The following SNX27 variants were observed in gnomAD, a reference collection of about 807,000 sequenced individuals.
SNX27 encodes the protein sorting nexin 27.
SNX27 carries 22 observed loss-of-function variants against 71.6 expected under a neutral mutation model. That is an observed-to-expected ratio of 0.31 (90% CI 0.22 to 0.44). The LOEUF is 0.44. SNX27 is among the 20% of genes least tolerant of loss of function. The probability of loss-of-function intolerance (pLI) is 1.00; values close to 1 mark genes in which losing one functional copy is unlikely to be tolerated. For synonymous variants in SNX27, 269 were observed against 277.2 expected (o/e 0.97, Z 0.29); for missense variants, 531 against 698.6 (o/e 0.76, Z 2.70).
Position 151,662,195 on chromosome 1 carries a change from G to A in SNX27, c.831G>A (p.Leu277=). 1 of 1,613,662 alleles carries A rather than the reference G, an allele frequency of 6.2e-7. No homozygotes were observed. The highest frequency in any genetic ancestry group is 1.1e-5 in the South Asian group (1 of 91,060). ...ACAATGGTGTGTCCGACGTAGAGCT[G>A]AGAGTAGCATTACCAGATGGAACAA... ...ENYNGVSDVE[L]RVALPDGTTV... The change falls in exon 5 of 12, where the codon CTG becomes CTA. Residue 277 remains leucine, a synonymous_variant. Coordinates refer to ENST00000458013, the MANE Select transcript of SNX27 (RefSeq NM_001330723.2).
Position 151,658,313 on chromosome 1 carries a change from AAG to A in SNX27, c.629_630del (p.Glu210ValfsTer44), listed in dbSNP as rs1669791515. On this transcript the variant is annotated frameshift_variant, in exon 3 of 12. Coordinates refer to ENST00000458013, the MANE Select transcript of SNX27 (RefSeq NM_001330723.2). LOFTEE classifies it high-confidence loss of function. ...GTTTGCTATCCTACACCAGAACCTGAAGAGAGAGTTTGCCAACTTTACATTTC... is the reference window on the plus strand; with the variant it reads ...GTTTGCTATCCTACACCAGAACCTGAAGAGAGTTTGCCAACTTTACATTTC... ...REFAILHQNLKREFANFTFPR... is the reference protein window; with the variant it reads ...REFAILHQNLXREFANFTFPR... 1.9e-6 allele frequency: 3 copies of A among 1,614,152 alleles called. No individual in the cohort carries two copies. The highest frequency in any genetic ancestry group is 2.5e-6 in the Non-Finnish European group (3 of 1,180,020).
chr1:151,620,057 G>A lies in SNX27; in HGVS notation c.311+7545G>A, dbSNP rs146361083. 2.6e-5 allele frequency among the ~76,000 whole-genome samples: 4 copies of A among 152,280 alleles called. No individual in the cohort carries two copies. The East Asian group carries it at 7.7e-4, about 29-fold the overall frequency. ...AGAACAAATAAAACTTCAGAGAAGGGGCAAGGATTTTATAGGTTGAGGAAA... is the reference window on the plus strand; with the variant it reads ...AGAACAAATAAAACTTCAGAGAAGGAGCAAGGATTTTATAGGTTGAGGAAA... On this transcript the variant is annotated intron_variant, in intron 1 of 11. Coordinates refer to ENST00000458013, the MANE Select transcript of SNX27 (RefSeq NM_001330723.2).
chr1:151,639,699 C>G (rs1207767747), intron 2 of SNX27, among the ~76,000 whole-genome samples: 2 of 152,178 alleles, frequency 1.3e-5, no homozygotes, highest in African/African-American at 4.8e-5. Flanking sequence ...CATTTCTAAT[C>G]TGTTGCTGTT....
At chr1:151,676,270 A>ATTTTTTTTTTTTTTTTTTTTTTTTTTTT (rs752951557) in intron 7 of SNX27, 1 of 56,484 alleles carries the variant, frequency 1.8e-5, no homozygotes, top group African/African-American at 7.8e-5. Flanking sequence ...AGTGCTATTA[A>ATTTTTTTTTTTTTTTTTTTTTTTTTTTT]TTTTTTTTTT....
rs1431779255 is a variant in SNX27 at position 151,612,854 on chromosome 1, G to T, written c.311+342G>T. Reference sequence around the variant, plus strand: ...TCTGCTCCTCACTCCCCCTCGTCTTGCTCAGAAGGAACCTCATCTGCTCCT... The same window carrying T: ...TCTGCTCCTCACTCCCCCTCGTCTTTCTCAGAAGGAACCTCATCTGCTCCT... On this transcript the variant is annotated intron_variant, in intron 1 of 11. Transcript: ENST00000458013. This position sits in a 1 kb window ranked among gnomAD's most constrained non-coding sequence, Gnocchi z 5.2. Among the ~76,000 whole-genome samples the T allele has an allele frequency of 6.6e-6, 1 of 151,818 alleles. No individual in the cohort carries two copies.
chr1:151,668,838 C>T (rs1454564444), intron 7 of SNX27, among the ~76,000 whole-genome samples: 4 of 152,038 alleles, frequency 2.6e-5, no homozygotes, highest in Non-Finnish European at 4.4e-5. Flanking sequence ...TTTAAAAATA[C>T]GTATTTTTTA....
At chr1:151,648,143 C>T (rs566921911) in intron 2 of SNX27, among the ~76,000 whole-genome samples, 2 of 152,250 alleles carry the variant, frequency 1.3e-5, no homozygotes, top group African/African-American at 4.8e-5. Context: ...CAACCTCTGC[C>T]TCCCAGGCTC....
At chr1:151,671,502 G>T (rs1416139218) in intron 7 of SNX27, among the ~76,000 whole-genome samples, 1 of 152,036 alleles carries the variant, frequency 6.6e-6, no homozygotes, top group Non-Finnish European at 1.5e-5. Flanking sequence ...CTCCTAAATT[G>T]CTGGGTTACA....
chr1:151,623,099 A>G lies in SNX27; in HGVS notation c.311+10587A>G, dbSNP rs541082681. 8.8e-4 allele frequency among the ~76,000 whole-genome samples: 134 copies of G among 151,560 alleles called. 1 individual carries two copies. Among genetic ancestry groups the G allele is most frequent in the Non-Finnish European group, 1.8e-4 (12 of 67,932 alleles). ...GTGATTATCCTGCCTCAGCCTCCCA[A>G]GTAGCTGGGATTACAGGCACATGCC... On this transcript the variant is annotated intron_variant, in intron 1 of 11. Coordinates refer to ENST00000458013, the MANE Select transcript of SNX27 (RefSeq NM_001330723.2).
At chr1:151,621,104 T>C (rs926610463) in intron 1 of SNX27, among the ~76,000 whole-genome samples, 1 of 152,234 alleles carries the variant, frequency 6.6e-6, no homozygotes, top group African/African-American at 2.4e-5. Flanking sequence ...ACTTAATACC[T>C]ACCTTCAAAA....
intron 1 of SNX27, among the ~76,000 whole-genome samples, chr1:151,637,124 C>G (rs1449889684): frequency 6.6e-6 from 1 of 150,486 alleles, no homozygotes; most frequent in African/African-American, 2.4e-5. Flanking sequence ...TCCATTTTAC[C>G]ATGCTGGTAT....
chr1:151,635,386 A>C (rs1668419143), intron 1 of SNX27, among the ~76,000 whole-genome samples: 1 of 152,226 alleles, frequency 6.6e-6, no homozygotes, highest in African/African-American at 2.4e-5. Context: ...TTCAAACCCA[A>C]GTCTGTTTGA....
intron 7 of SNX27, among the ~76,000 whole-genome samples, chr1:151,681,190 C>T (rs1670927121): frequency 6.8e-6 from 1 of 146,752 alleles, no homozygotes; most frequent in South Asian, 2.2e-4. Flanking sequence ...TATGCAAGTA[C>T]ACATTGGTAG....
chr1:151,638,476 GT>G (rs1357672322), intron 1 of SNX27, among the ~76,000 whole-genome samples: 1 of 152,206 alleles, frequency 6.6e-6, no homozygotes, highest in Non-Finnish European at 1.5e-5. Context: ...TTCCTTTGAG[GT>G]TTAAAAAGGA....
intron 1 of SNX27, among the ~76,000 whole-genome samples, chr1:151,613,683 C>G (rs1667298848): frequency 6.6e-6 from 1 of 152,070 alleles, no homozygotes; most frequent in African/African-American, 2.4e-5. Context: ...GGGATGCTGC[C>G]TTGTCTTGCA....
At chr1:151,681,754 A>T (rs533530626) in intron 7 of SNX27, among the ~76,000 whole-genome samples, 1 of 152,074 alleles carries the variant, frequency 6.6e-6, no homozygotes, top group Non-Finnish European at 1.5e-5. Flanking sequence ...CCTGTTGTTT[A>T]TTTCCTTAAG....
chr1:151,697,174 G>C lies in SNX27; in HGVS notation c.*2757G>C, dbSNP rs978611697. 6.6e-6 allele frequency: 1 copy of C among 152,174 alleles called. No individual in the cohort carries two copies. The highest frequency in any genetic ancestry group is 1.5e-5 in the Non-Finnish European group (1 of 68,032). The allele number at this position is 152,174 out of a possible 1,614,324, so 9.4% of individuals were successfully genotyped here. On this transcript the variant is annotated 3_prime_UTR_variant, in exon 12 of 12. Coordinates refer to ENST00000458013, the MANE Select transcript of SNX27 (RefSeq NM_001330723.2). Reference sequence around the variant, plus strand: ...CTTTTGACTTAAATGAATTTAAAATGAGCCAAAGGACCCTGAAAAGAAGAC... The same window carrying C: ...CTTTTGACTTAAATGAATTTAAAATCAGCCAAAGGACCCTGAAAAGAAGAC...
chr1:151,617,341 C>T (rs949585638), intron 1 of SNX27, among the ~76,000 whole-genome samples: 1 of 151,934 alleles, frequency 6.6e-6, no homozygotes, highest in African/African-American at 2.4e-5. Flanking sequence ...TGCAGTGGTG[C>T]GATCTCGGCT....
At chr1:151,634,269 T>C (rs1030903782) in intron 1 of SNX27, among the ~76,000 whole-genome samples, 2 of 152,212 alleles carry the variant, frequency 1.3e-5, no homozygotes, top group Admixed American at 1.3e-4. Context: ...GGGCTGCCTC[T>C]GAGAGACTAA....
Sources: gnomAD v4.1 joint callset for allele counts (sites outside exome capture counted in the v4.1 genomes callset) on GRCh38, gnomAD v4.1.1 for gene constraint, Gnocchi (gnomAD v3.1) non-coding constraint, MANE v1.5 for transcripts, NCBI Gene and HGNC (gene_info 2026-07-23, HGNC 2026-07-21) for gene names.